The following GALNT9 variants were observed in gnomAD, a reference collection of about 807,000 sequenced individuals.
GALNT9 encodes GalNAc transferase 9.
Under a neutral mutation model 63.1 loss-of-function variants are expected in GALNT9, and 47 were observed. The observed-to-expected ratio is 0.75, with a 90% CI of 0.59 to 0.95. GALNT9 has a LOEUF of 0.95. Ranked by LOEUF, GALNT9 falls within the 40% of genes least tolerant of loss-of-function variation. The probability of loss-of-function intolerance (pLI) is 0.00; values close to 1 mark genes in which losing one functional copy is unlikely to be tolerated. For missense variants in GALNT9, 829 were observed against 874.8 expected, an observed-to-expected ratio of 0.95 and a Z score of 0.66; for synonymous variants, 396 against 365.7, an observed-to-expected ratio of 1.08 and a Z score of -0.94.
chr12:132,286,272 T>C lies in GALNT9; in HGVS notation c.397A>G (p.Ile133Val), dbSNP rs1275122444. 1 of 1,550,976 alleles carries C rather than the reference T, an allele frequency of 6.4e-7. No homozygotes were observed. Among genetic ancestry groups the C allele is most frequent in the Non-Finnish European group, 8.7e-7 (1 of 1,146,808 alleles). Residue 133 changes from isoleucine (I) to valine (V), a missense_variant, in exon 2 of 11, where the codon ATC (isoleucine) becomes GTC (valine). By Grantham distance (29) the Ile-to-Val change is conservative. Coordinates refer to ENST00000328957, the MANE Select transcript of GALNT9 (RefSeq NM_001122636.2). The surrounding 1 kb of genome is among the most constrained non-coding windows in gnomAD (Gnocchi z 7.4). Reference protein sequence around the residue: ...LSDRISLDRSIPDYRPRKCRQ... With the variant: ...LSDRISLDRSVPDYRPRKCRQ... ...CACTTTCTGGGCCGGTAGTCGGGGA[T>C]GCTCCGATCGAGGGAGATGCGGTCG...
At chr12:132,197,703 A>C in intron 10 of GALNT9, 89 bp downstream of exon 10, 1 of 1,016,408 alleles carries the variant, frequency 9.8e-7, no homozygotes, top group South Asian at 1.5e-5. Flanking sequence ...CTCCCACCCA[A>C]TGGGCTGGCT....
At chr12:132,320,832 C>A (rs1319266455) in intron 1 of GALNT9, among the ~76,000 whole-genome samples, 1 of 152,154 alleles carries the variant, frequency 6.6e-6, no homozygotes, top group African/African-American at 2.4e-5. Context: ...TGCTGTGCCG[C>A]GTGCCTCCTT....
At chr12:132,216,087 C>T (rs945099399) in intron 6 of GALNT9, among the ~76,000 whole-genome samples, 11 of 146,258 alleles carry the variant, frequency 7.5e-5, no homozygotes, top group Middle Eastern at 3.4e-3. Flanking sequence ...GACAGAGACA[C>T]AGAAACAGAG....
chr12:132,291,497 C>A (rs189720724), intron 1 of GALNT9, among the ~76,000 whole-genome samples: 1,545 of 145,978 alleles, frequency 0.011, 14 homozygotes, highest in African/African-American at 0.038. Flanking sequence ...ACAACCACAG[C>A]GCCCACGTCC....
Position 132,233,227 on chromosome 12 carries a change from C to G in GALNT9, c.1077+14683G>C, listed in dbSNP as rs1221482354. ...ACAGCGTGGAGTCCCTAGTGCCACA[C>G]ACTCGATGGGGCGACAGAGGAGACA... On this transcript the variant is annotated intron_variant, in intron 6 of 10. Transcript: ENST00000328957. 2.2e-3 allele frequency among the ~76,000 whole-genome samples: 49 copies of G among 22,456 alleles called. 2 individuals carry two copies. Among genetic ancestry groups the G allele is most frequent in the Non-Finnish European group, 2.4e-3 (28 of 11,852 alleles). 14.7% of individuals were successfully genotyped at this position (22,456 alleles called of 152,430 possible). A position where few individuals can be genotyped will look rare whatever the true frequency, so the allele number is the denominator to read the frequency against.
intron 4 of GALNT9, 65 bp downstream of exon 4, chr12:132,260,883 C>T (rs1288629001): frequency 2.7e-5 from 39 of 1,453,422 alleles, no homozygotes; most frequent in Non-Finnish European, 3.2e-5. Context: ...CGCACGGCGG[C>T]TTAGGAGGGG....
In GALNT9 at chr12:132,196,855, G is replaced by A. The variant is rs1875539590; in HGVS notation, c.*252C>T. ...AGGAGATACCGTGGAGAAGGCACGTGTTTGAGTTGGCATCACTGTCCCCAG... is the reference window on the plus strand; with the variant it reads ...AGGAGATACCGTGGAGAAGGCACGTATTTGAGTTGGCATCACTGTCCCCAG... On this transcript the variant is annotated 3_prime_UTR_variant, in exon 11 of 11. Transcript: ENST00000328957. The A allele has an allele frequency of 2.3e-6, 3 of 1,324,700 alleles. No homozygotes were observed. The highest frequency in any genetic ancestry group is 2.9e-6 in the Non-Finnish European group (3 of 1,034,666). 82.1% of individuals were successfully genotyped at this position (1,324,700 alleles called of 1,614,324 possible). A position where few individuals can be genotyped will look rare whatever the true frequency, so the allele number is the denominator to read the frequency against.
intron 1 of GALNT9, among the ~76,000 whole-genome samples, chr12:132,312,864 G>A (rs1881862867): frequency 6.6e-6 from 1 of 152,136 alleles, no homozygotes; most frequent in Non-Finnish European, 1.5e-5. Context: ...CCAAGCCAAA[G>A]ATGAGGTTGT....
At chr12:132,199,390 G>A (rs566946100) in intron 8 of GALNT9, 121 bp from the exon 9 acceptor site, 152 of 697,802 alleles carry the variant, frequency 2.2e-4, no homozygotes, top group Non-Finnish European at 3.1e-4. Context: ...AGGAGGGGGC[G>A]TGTGGGATGC....
At chr12:132,266,085 C>T (rs568369726) in intron 2 of GALNT9, among the ~76,000 whole-genome samples, 21 of 149,050 alleles carry the variant, frequency 1.4e-4, no homozygotes, top group African/African-American at 4.4e-4. Context: ...TGCCTTTACA[C>T]GCCCGATCTC....
Position 132,327,978 on chromosome 12 carries a change from A to G in GALNT9, c.238+988T>C, listed in dbSNP as rs1555246634. Among the ~76,000 whole-genome samples the G allele has an allele frequency of 6.6e-6, 1 of 151,988 alleles. No homozygotes were observed. The highest frequency in any genetic ancestry group is 1.9e-4 in the East Asian group (1 of 5,154). ...CCGTCACCTCCCACTCGAGCCTGTT[A>G]CGGATGCTTTCTGGAGGAGGTTTGC... On this transcript the variant is annotated intron_variant, in intron 1 of 10. Coordinates refer to ENST00000328957, the MANE Select transcript of GALNT9 (RefSeq NM_001122636.2). The surrounding 1 kb of genome is among the most constrained non-coding windows in gnomAD (Gnocchi z 4.3).
rs544199190 is a variant in GALNT9, at chr12:132,246,121, C to T, written c.1077+1789G>A. On this transcript the variant is annotated intron_variant, in intron 6 of 10. Transcript: ENST00000328957. The surrounding 1 kb of genome is among the most constrained non-coding windows in gnomAD (Gnocchi z 4.7). ...AGACGGTGAGAGAAGCCGACACCCG[C>T]GTGGGTGCGTTCAATCCACGGCCGA... 4.5e-4 allele frequency among the ~76,000 whole-genome samples: 68 copies of T among 152,350 alleles called. No homozygotes were observed. The highest frequency in any genetic ancestry group is 2.7e-3 in the East Asian group (14 of 5,184).
In GALNT9 at chr12:132,319,426, G is replaced by C. The variant is rs1868677393; in HGVS notation, c.238+9540C>G. 6.6e-6 allele frequency among the ~76,000 whole-genome samples: 1 copy of C among 152,140 alleles called. No homozygotes were observed. The highest frequency in any genetic ancestry group is 2.1e-4 in the South Asian group (1 of 4,824). On this transcript the variant is annotated intron_variant, in intron 1 of 10. Coordinates refer to ENST00000328957, the MANE Select transcript of GALNT9 (RefSeq NM_001122636.2). The surrounding 1 kb of genome is among the most constrained non-coding windows in gnomAD (Gnocchi z 5.2). ...CTCGGGCCTTTGGAGTAGAAGTTATGCCGTTTTCCTCAGCGTGACCCTGGC... is the reference window on the plus strand; with the variant it reads ...CTCGGGCCTTTGGAGTAGAAGTTATCCCGTTTTCCTCAGCGTGACCCTGGC...
At chr12:132,248,648 A>G (rs1056925053) in intron 5 of GALNT9, among the ~76,000 whole-genome samples, 4 of 152,252 alleles carry the variant, frequency 2.6e-5, no homozygotes, top group Non-Finnish European at 1.5e-5. Context: ...TCAACTCCAC[A>G]GAACCTTGTT....
At chr12:132,318,957 C>T (rs1253696900) in intron 1 of GALNT9, among the ~76,000 whole-genome samples, 6 of 152,234 alleles carry the variant, frequency 3.9e-5, no homozygotes, top group African/African-American at 1.4e-4. Context: ...CGGGGCCTCC[C>T]GCCTTTCAGG....
In GALNT9 at chr12:132,315,999, G is replaced by A. The variant is rs1868490869; in HGVS notation, c.238+12967C>T. ...GAGGGTGGTGGGGACGCGGGGTCCT[G>A]GAGAGGGCACGGCAGGCAGGCAGCC... On this transcript the variant is annotated intron_variant, in intron 1 of 10. Coordinates refer to ENST00000328957, the MANE Select transcript of GALNT9 (RefSeq NM_001122636.2). This position sits in a 1 kb window ranked among gnomAD's most constrained non-coding sequence, Gnocchi z 6.1. Among the ~76,000 whole-genome samples the A allele has an allele frequency of 6.6e-6, 1 of 152,216 alleles. No individual in the cohort carries two copies. The highest frequency in any genetic ancestry group is 1.5e-5 in the Non-Finnish European group (1 of 68,030).
intron 5 of GALNT9, among the ~76,000 whole-genome samples, chr12:132,256,710 C>T (rs1004393865): frequency 6.6e-6 from 1 of 151,290 alleles, no homozygotes; most frequent in African/African-American, 2.4e-5. Context: ...GAGTGGGTTT[C>T]GGGCCTTCAG....
At chr12:132,320,032 A>C (rs1198114120) in intron 1 of GALNT9, among the ~76,000 whole-genome samples, 9 of 152,116 alleles carry the variant, frequency 5.9e-5, no homozygotes, top group South Asian at 2.1e-4. Flanking sequence ...GTTAGCGTTC[A>C]CTCTGTCAGA....
At position 132,257,793 on chromosome 12, in the gene GALNT9, C is replaced by T. The variant is rs1555239258; in HGVS notation, c.855G>A (p.Gln285=). 2 of 1,550,480 alleles carry T rather than the reference C, an allele frequency of 1.3e-6. No homozygotes were observed. The highest frequency in any genetic ancestry group is 1.2e-5 in the South Asian group (1 of 84,066). ...AGCCATGGGCGGCGTTCGCATACTG[C>T]TGCACCTCAAACGTGCTGTACTTGA... ...DNIKYSTFEV[Q]QYANAAHGYN... is the part of the protein sequence containing the mutation. Residue 285 remains glutamine, a synonymous_variant, in exon 5 of 11, where the codon CAG becomes CAA. Coordinates refer to ENST00000328957, the MANE Select transcript of GALNT9 (RefSeq NM_001122636.2).
Sources: gnomAD v4.1 joint callset for allele counts (sites outside exome capture counted in the v4.1 genomes callset) on GRCh38, gnomAD v4.1.1 for gene constraint, Gnocchi (gnomAD v3.1) non-coding constraint, MANE v1.5 for transcripts, NCBI Gene and HGNC (gene_info 2026-07-23, HGNC 2026-07-21) for gene names.